GPR107: variants seen among roughly 807,000 people sequenced by gnomAD.
GPR107 encodes protein GPR107.
A neutral mutation model predicts 75.5 loss-of-function variants in GPR107; 31 were observed. The observed-to-expected ratio is 0.41, with a 90% confidence interval of 0.31 to 0.55. The LOEUF (loss-of-function observed/expected upper bound fraction) is 0.55, where lower values mean the gene tolerates loss of function less well. Among genes scored for constraint, GPR107 ranks in the 20% least tolerant of loss-of-function variants. The probability of loss-of-function intolerance (pLI) is 0.26; values close to 1 mark genes in which losing one functional copy is unlikely to be tolerated. For synonymous variants in GPR107, 267 were observed against 251.3 expected, an observed-to-expected ratio of 1.06 and a Z score of -0.59; for missense variants, 572 against 665.7, an observed-to-expected ratio of 0.86 and a Z score of 1.55.
chr9:130,072,305 G>T (rs999036888), intron 1 of GPR107, among the ~76,000 whole-genome samples: 26 of 150,448 alleles, frequency 1.7e-4, no homozygotes, highest in Non-Finnish European at 2.7e-4. Context: ...TGCAGGCTCC[G>T]CCCCCTGGGG....
At chr9:130,075,460 G>T (rs1018160073) in intron 1 of GPR107, among the ~76,000 whole-genome samples, 176 bp from the exon 2 acceptor site, 18 of 152,048 alleles carry the variant, frequency 1.2e-4, no homozygotes, top group African/African-American at 4.3e-4. Context: ...TGGCCAGTGT[G>T]GTCTCAAACT....
chr9:130,061,133 T>C (rs141104406), intron 1 of GPR107, among the ~76,000 whole-genome samples: 5 of 152,336 alleles, frequency 3.3e-5, no homozygotes, highest in African/African-American at 1.2e-4. Flanking sequence ...GTGTCTTTTA[T>C]ATACCGGGTG....
At chr9:130,070,003 TTTTTTTTTA>T (rs750006011) in intron 1 of GPR107, among the ~76,000 whole-genome samples, 1,656 of 52,954 alleles carry the variant, frequency 0.031, 90 homozygotes, top group Non-Finnish European at 0.046. Flanking sequence ...TTTTTTTTTT[TTTTTTTTTA>T]AATTTTTTTG....
intron 8 of GPR107, among the ~76,000 whole-genome samples, chr9:130,091,430 G>A (rs1386597332): frequency 5.9e-5 from 9 of 151,704 alleles, no homozygotes; most frequent in Non-Finnish European, 1.0e-4. Flanking sequence ...ACAGTAAACC[G>A]AGATTGCATC....
intron 9 of GPR107, among the ~76,000 whole-genome samples, chr9:130,094,494 G>A (rs1452177809): frequency 6.6e-6 from 1 of 152,076 alleles, no homozygotes. Context: ...GATTGCTTGA[G>A]CCCAAGGGTT....
chr9:130,125,765 A>G (rs1213652460), intron 15 of GPR107, among the ~76,000 whole-genome samples: 1 of 152,000 alleles, frequency 6.6e-6, no homozygotes, highest in African/African-American at 2.4e-5. Context: ...TTATTGGAGT[A>G]TCAGCTGGGT....
At chr9:130,069,690 T>G (rs1195714749) in intron 1 of GPR107, among the ~76,000 whole-genome samples, 1 of 152,098 alleles carries the variant, frequency 6.6e-6, no homozygotes, top group Non-Finnish European at 1.5e-5. Context: ...TTCTTTTTAT[T>G]TTATTTATTT....
intron 14 of GPR107, among the ~76,000 whole-genome samples, chr9:130,116,879 C>A (rs977235097): frequency 1.3e-5 from 2 of 151,824 alleles, no homozygotes; most frequent in Non-Finnish European, 2.9e-5. Context: ...TATGCACAGT[C>A]CTTAACTGTT....
chr9:130,075,565 G>C, intron 1 of GPR107, 71 bp from the exon 2 acceptor site: 1 of 832,378 alleles, frequency 1.2e-6, no homozygotes. Context: ...ACTTTTTAAA[G>C]CAAATGAATA....
chr9:130,092,413 T>A (rs1469239678), intron 9 of GPR107, 32 bp downstream of exon 9: 22 of 1,583,506 alleles, frequency 1.4e-5, no homozygotes, highest in Non-Finnish European at 1.9e-5. Context: ...CTTAAGAGTG[T>A]GTTGAGATTT....
At chr9:130,122,994 A>C (rs2132645674) in intron 14 of GPR107, among the ~76,000 whole-genome samples, 1 of 152,206 alleles carries the variant, frequency 6.6e-6, no homozygotes, top group Admixed American at 6.5e-5. Context: ...ACCTCTCTCA[A>C]AAAAAACAAC....
chr9:130,071,411 G>C (rs1194093208), intron 1 of GPR107, among the ~76,000 whole-genome samples: 1 of 151,930 alleles, frequency 6.6e-6, no homozygotes, highest in Non-Finnish European at 1.5e-5. Context: ...CCCTTGTTAG[G>C]AAATGATAAT....
intron 9 of GPR107, among the ~76,000 whole-genome samples, chr9:130,098,040 C>G (rs977003942): frequency 6.6e-6 from 1 of 152,098 alleles, no homozygotes; most frequent in Non-Finnish European, 1.5e-5. Context: ...CACCGCCACA[C>G]CCAGCTAACT....
chr9:130,094,182 C>T (rs565179719), intron 9 of GPR107, among the ~76,000 whole-genome samples: 3 of 152,118 alleles, frequency 2.0e-5, no homozygotes, highest in Non-Finnish European at 4.4e-5. Context: ...CGGTGGTACA[C>T]GCCTGTAATC....
chr9:130,100,480 C>A, intron 10 of GPR107, 149 bp from the exon 11 acceptor site: 1 of 657,782 alleles, frequency 1.5e-6, no homozygotes, highest in Non-Finnish European at 2.7e-6. Context: ...TTGAAAGTGG[C>A]CTCCTTGGAA....
intron 1 of GPR107, among the ~76,000 whole-genome samples, chr9:130,055,599 T>C (rs187205232): frequency 5.9e-5 from 9 of 151,428 alleles, no homozygotes; most frequent in Non-Finnish European, 1.0e-4. Flanking sequence ...TAGCAAACTA[T>C]GAAGCATTGT....
intron 9 of GPR107, among the ~76,000 whole-genome samples, chr9:130,096,963 C>T (rs1000526213): frequency 2.0e-5 from 3 of 152,110 alleles, no homozygotes; most frequent in East Asian, 1.9e-4. Flanking sequence ...TGTGTCCTCA[C>T]GTTTGACTGC....
intron 1 of GPR107, among the ~76,000 whole-genome samples, chr9:130,072,512 C>G (rs117331696): frequency 0.022 from 3,284 of 152,064 alleles, 47 homozygotes; most frequent in Middle Eastern, 0.034. Context: ...AGCCACCGCG[C>G]CCGGCCTTGA....
chr9:130,088,220 G>A (rs144712934), intron 7 of GPR107, among the ~76,000 whole-genome samples: 1 of 152,042 alleles, frequency 6.6e-6, no homozygotes, highest in Non-Finnish European at 1.5e-5. Context: ...AGCTCCTGTT[G>A]TTCACACTCT....
Sources: allele counts gnomAD v4.1 joint callset (sites outside exome capture counted in the v4.1 genomes callset), GRCh38; gene constraint gnomAD v4.1.1; transcripts MANE v1.5; gene names NCBI Gene and HGNC (gene_info 2026-07-23, HGNC 2026-07-21).